ZNF177: variants seen among roughly 807,000 people sequenced by gnomAD.
ZNF177 encodes the protein zinc finger protein 177.
Under a neutral mutation model 19.4 loss-of-function variants are expected in ZNF177, and 17 were observed. The ratio of observed to expected loss-of-function variants is 0.87; its 90% CI spans 0.60 to 1.31. The LOEUF (loss-of-function observed/expected upper bound fraction) is 1.31, where lower values mean the gene tolerates loss of function less well. ZNF177 is among the 40% of genes most tolerant of loss of function. ZNF177 has a pLI of 0.00. For synonymous variants in ZNF177, 220 were observed against 188.7 expected, an observed-to-expected ratio of 1.17 and a Z score of -1.36; for missense variants, 633 against 561.8, an observed-to-expected ratio of 1.13 and a Z score of -1.28.
At chr19:9,372,910 A>G (rs2068065624), upstream of ZNF177, among the ~76,000 whole-genome samples, 1 of 152,146 alleles carries the variant, frequency 6.6e-6, no homozygotes, top group African/African-American at 2.4e-5. Flanking sequence ...AATAATAAAA[A>G]TTATATATGT....
chr19:9,365,204 T>TG (rs1370062604), intron 2 of ZNF177, among the ~76,000 whole-genome samples: 2 of 151,886 alleles, frequency 1.3e-5, no homozygotes, highest in African/African-American at 2.4e-5. Flanking sequence ...GGTCTAAATA[T>TG]GGGGGGAGTA....
upstream of ZNF177, among the ~76,000 whole-genome samples, chr19:9,372,040 G>A (rs1232521990): frequency 6.6e-6 from 1 of 152,002 alleles, no homozygotes. Context: ...TCTTACACAT[G>A]GTACATTGTG....
upstream of ZNF177, among the ~76,000 whole-genome samples, chr19:9,372,540 C>CTTT (rs61321271): frequency 3.9e-3 from 327 of 84,538 alleles, no homozygotes; most frequent in Non-Finnish European, 4.6e-3. Context: ...CTTTCTTTTC[C>CTTT]TTTTTTTTTT....
exon 6 of ZNF177, chr19:9,381,624 G>A (rs747912160): frequency 5.2e-5 from 84 of 1,613,434 alleles, no homozygotes; most frequent in Admixed American, 1.0e-4. Context: ...AATGTGGGAA[G>A]GCCTTTAGGA....
chr19:9,380,789 A>AT lies in ZNF177; in HGVS notation c.459dup (p.Ser154Ter), dbSNP rs2068185259. 1 of 1,536,010 alleles carries AT rather than the reference A, an allele frequency of 6.5e-7. No individual in the cohort carries two copies. Among genetic ancestry groups the AT allele is most frequent in the Non-Finnish European group, 8.7e-7 (1 of 1,146,898 alleles). On this transcript the variant is annotated frameshift_variant, in exon 6 of 6. Coordinates refer to ENST00000589262, the Ensembl canonical transcript of ZNF177. LOFTEE classifies it low-confidence loss of function (END_TRUNC). ...GAGAAATGCTATAAATATATAAAGT[A>AT]TAGCAAAGTCTTCAACCATCCCTCA...
exon 5 of ZNF177, chr19:9,380,068 C>G (rs1284664163): frequency 6.2e-7 from 1 of 1,610,440 alleles, no homozygotes; most frequent in Admixed American, 1.7e-5. Flanking sequence ...CTGGGAAACT[C>G]AACTTAAACC....
intron 2 of ZNF177, among the ~76,000 whole-genome samples, chr19:9,365,731 C>G (rs927792169): frequency 2.6e-5 from 4 of 151,942 alleles, no homozygotes; most frequent in Non-Finnish European, 5.9e-5. Context: ...AAACACGTCT[C>G]CTGTCTACGA....
Position 9,381,242 on chromosome 19 carries a change from G to GA in ZNF177, c.912dup (p.Ser305IlefsTer9). ...CAGTCTTCCCTTAAGAAACACATGA[G>GA]ATCTCATACTGGAGAGAAGCCTTAT... is the stretch of plus-strand genomic sequence containing the variant. On this transcript the variant is annotated frameshift_variant, in exon 6 of 6. Transcript: ENST00000589262. LOFTEE classifies it low-confidence loss of function (END_TRUNC). 6.2e-7 allele frequency: 1 copy of GA among 1,614,134 alleles called. No individual in the cohort carries two copies. Among genetic ancestry groups the GA allele is most frequent in the East Asian group, 2.2e-5 (1 of 44,880 alleles).
At chr19:9,378,314 G>A in exon 2 of ZNF177, 1 of 1,613,698 alleles carries the variant, frequency 6.2e-7, no homozygotes, top group Non-Finnish European at 8.5e-7. Flanking sequence ...GAGGAAGAAT[G>A]GCTGCAGGGT....
exon 6 of ZNF177, chr19:9,382,053 T>TA: frequency 2.2e-6 from 1 of 447,034 alleles, no homozygotes; most frequent in Non-Finnish European, 3.9e-6. Context: ...GTCTTCAATA[T>TA]GTAGATTCTG....
exon 6 of ZNF177, chr19:9,380,715 G>A (rs763370021): frequency 1.0e-5 from 16 of 1,535,874 alleles, no homozygotes; most frequent in Non-Finnish European, 1.4e-5. Flanking sequence ...ACCATTGTGG[G>A]AAATTCAGAA....
intron 2 of ZNF177, among the ~76,000 whole-genome samples, chr19:9,365,546 C>T (rs1166964710): frequency 6.6e-6 from 1 of 151,598 alleles, no homozygotes; most frequent in East Asian, 1.9e-4. Flanking sequence ...TTCTTGCCCC[C>T]AGAAAAGCAG....
At chr19:9,377,514 C>CCT (rs2068126798) in intron 1 of ZNF177, among the ~76,000 whole-genome samples, 3 of 152,226 alleles carry the variant, frequency 2.0e-5, no homozygotes, top group Non-Finnish European at 4.4e-5. Flanking sequence ...TAGAAGGTGT[C>CCT]AGACAGTGAT....
exon 6 of ZNF177, chr19:9,381,047 A>G: frequency 6.2e-7 from 1 of 1,604,538 alleles, no homozygotes; most frequent in Middle Eastern, 1.7e-4. Context: ...GACTATGGCA[A>G]AATATCTCCC....
chr19:9,378,200 C>T, intron 1 of ZNF177, 59 bp from the exon 4 acceptor site: 1 of 1,478,812 alleles, frequency 6.8e-7, no homozygotes, highest in Non-Finnish European at 9.0e-7. Context: ...GCTTCCCAGC[C>T]TGCTAGTGTT....
intron 5 of ZNF177, 192 bp from the exon 8 acceptor site, chr19:9,380,476 G>T: frequency 8.9e-7 from 1 of 1,123,192 alleles, no homozygotes; most frequent in South Asian, 1.6e-5. Flanking sequence ...TAGAGCCTTG[G>T]ACAGAGGAGT....
upstream of ZNF177, among the ~76,000 whole-genome samples, chr19:9,373,568 G>A (rs1287156728): frequency 6.6e-6 from 1 of 152,038 alleles, no homozygotes; most frequent in African/African-American, 2.4e-5. Context: ...TTCTAACAAC[G>A]ATGTATAAGG....
upstream of ZNF177, chr19:9,376,235 C>T (rs977326624): frequency 1.3e-5 from 2 of 152,172 alleles, no homozygotes; most frequent in East Asian, 3.9e-4. Context: ...AAGCAATCCT[C>T]CCACCCTAGC....
At chr19:9,376,264 T>A (rs1274941192), upstream of ZNF177, 1 of 152,226 alleles carries the variant, frequency 6.6e-6, no homozygotes, top group South Asian at 2.1e-4. Context: ...TAGCTGGGAC[T>A]ACTGGCAGAT....
Sources: allele counts gnomAD v4.1 joint callset (sites outside exome capture counted in the v4.1 genomes callset), GRCh38; gene constraint gnomAD v4.1.1; transcripts MANE v1.5; gene names NCBI Gene and HGNC (gene_info 2026-07-23, HGNC 2026-07-21).